MRM3: variants seen among roughly 807,000 people sequenced by gnomAD.
MRM3 encodes rRNA methyltransferase 3, mitochondrial.
Under a neutral mutation model 29.4 loss-of-function variants are expected in MRM3, and 26 were observed. The ratio of observed to expected loss-of-function variants is 0.89; its 90% CI spans 0.65 to 1.23. MRM3 has a LOEUF of 1.23. MRM3 is among the 50% of genes most tolerant of loss of function. The pLI is 0.00. For synonymous variants in MRM3, 225 were observed against 219.0 expected (o/e 1.03, Z -0.24); for missense variants, 578 against 540.2 (o/e 1.07, Z -0.69).
Position 787,982 on chromosome 17 carries a change from G to T in MRM3, c.577G>T (p.Asp193Tyr). ...TTCCTCAGGGATTTTTGCCAAGCCT[G>T]ACCATGTTAAGATGACATATCCAAA... ...QGIMGIFAKP[D>Y]HVKMTYPKTQ... The change falls in exon 3 of 4, where the codon GAC becomes TAC. Residue 193 changes from aspartate to tyrosine, a missense_variant. Asp to Tyr is a radical substitution (Grantham distance 160). Coordinates refer to ENST00000304478, the MANE Select transcript of MRM3 (RefSeq NM_018146.4). The surrounding 1 kb of genome is among the most constrained non-coding windows in gnomAD (Gnocchi z 4.1). The T allele has an allele frequency of 6.2e-7, 1 of 1,613,780 alleles. No homozygotes were observed. Among genetic ancestry groups the T allele is most frequent in the South Asian group, 1.1e-5 (1 of 91,020 alleles).
chr17:791,895 C>T lies in MRM3; in HGVS notation c.1089C>T (p.Ser363=). The change falls in exon 4 of 4, where the codon AGC becomes AGT. Residue 363 remains serine (S), a synonymous_variant. Coordinates refer to ENST00000304478, the MANE Select transcript of MRM3 (RefSeq NM_018146.4). ...VVIGGETYGV[S]LESLQLAEST... ...TTGGCGGGGAGACCTACGGCGTGAG[C>T]CTGGAGTCCCTGCAGCTGGCCGAGA... 5 of 1,613,870 alleles carry T rather than the reference C, an allele frequency of 3.1e-6. No individual in the cohort carries two copies. Among genetic ancestry groups the T allele is most frequent in the Non-Finnish European group, 4.2e-6 (5 of 1,180,032 alleles).
At chr17:788,198 C>A in intron 3 of MRM3, 66 bp downstream of exon 3, 1 of 1,537,120 alleles carries the variant, frequency 6.5e-7, no homozygotes, top group East Asian at 2.3e-5. Context: ...GAGGCCGAGG[C>A]AGGAGGGTCA....
At position 782,444 on chromosome 17, in the gene MRM3, G is replaced by A; in HGVS notation, c.66G>A (p.Trp22Ter). The stretch of plus-strand genomic sequence containing the variant: ...CGTTGCTGCAGGTGGTCCAGGCTTG[G>A]GACCTTGACGCGAGGCGCTGGGTCC... ...VRPLLQVVQA[W>*]DLDARRWVRA... The change falls in exon 1 of 4, where the codon TGG (tryptophan) becomes TGA (stop). Residue 22 changes from tryptophan to a stop codon, truncating the protein, a stop_gained. Coordinates refer to ENST00000304478, the MANE Select transcript of MRM3 (RefSeq NM_018146.4). LOFTEE classifies it high-confidence loss of function. 1 of 1,613,946 alleles carries A rather than the reference G, an allele frequency of 6.2e-7. No individual in the cohort carries two copies. The highest frequency in any genetic ancestry group is 8.5e-7 in the Non-Finnish European group (1 of 1,179,954).
intron 2 of MRM3, among the ~76,000 whole-genome samples, chr17:785,617 C>T (rs750076152): frequency 1.3e-5 from 2 of 152,192 alleles, no homozygotes; most frequent in Non-Finnish European, 2.9e-5. Flanking sequence ...AGCGTGAGGC[C>T]TTGGAAGTGA....
Position 788,064 on chromosome 17 carries a change from C to G in MRM3, c.659C>G (p.Pro220Arg), listed in dbSNP as rs1269926275. Residue 220 changes from proline (P) to arginine (R), a missense_variant, in exon 3 of 4, where the codon CCT becomes CGT. Pro to Arg is a moderately radical substitution (Grantham distance 103, BLOSUM62 -2). Coordinates refer to ENST00000304478, the MANE Select transcript of MRM3 (RefSeq NM_018146.4). ...TTGATTTGTGACAATCTCCGTGACC[C>G]TGGGAACCTGGGGACAATTCTGAGA... ...LLLICDNLRD[P>R]GNLGTILRSA... The G allele has an allele frequency of 1.2e-6, 2 of 1,614,184 alleles. No homozygotes were observed. The highest frequency in any genetic ancestry group is 3.3e-5 in the Admixed American group (2 of 60,024).
chr17:790,529 T>G (rs1910744635), intron 3 of MRM3: 1 of 212,200 alleles, frequency 4.7e-6, no homozygotes. Flanking sequence ...GCTCACTGCC[T>G]GTGCCACCAC....
intron 3 of MRM3, chr17:790,560 T>A (rs982127421): frequency 1.3e-5 from 2 of 149,838 alleles, no homozygotes; most frequent in African/African-American, 3.1e-5. Flanking sequence ...GCTGATTGGC[T>A]GGCTCACCTC....
chr17:790,572 T>A, intron 3 of MRM3: 1 of 187,292 alleles, frequency 5.3e-6, no homozygotes, highest in South Asian at 6.0e-5. Flanking sequence ...GCTCACCTCC[T>A]GTGCCGCCAC....
chr17:784,288 G>A (rs1017863551), intron 2 of MRM3, among the ~76,000 whole-genome samples: 3 of 152,190 alleles, frequency 2.0e-5, no homozygotes, highest in African/African-American at 4.8e-5. Context: ...GAGTCACAGG[G>A]ATCTGTGCCT....
intron 1 of MRM3, 48 bp downstream of exon 1, chr17:782,740 C>T: frequency 6.5e-7 from 1 of 1,543,136 alleles, no homozygotes; most frequent in Non-Finnish European, 8.8e-7. Context: ...CCCTTCCCGT[C>T]GCACAGCGGA....
intron 1 of MRM3, 45 bp from the exon 2 acceptor site, chr17:783,038 G>T: frequency 6.4e-7 from 1 of 1,558,846 alleles, no homozygotes; most frequent in South Asian, 1.2e-5. Flanking sequence ...TCAGTAACAA[G>T]GATGTTGATA....
rs966334047 is a variant in MRM3 at position 787,669 on chromosome 17, C to G, written c.560-296C>G. On this transcript the variant is annotated intron_variant, in intron 2 of 3. Coordinates refer to ENST00000304478, the MANE Select transcript of MRM3 (RefSeq NM_018146.4). This position sits in a 1 kb window ranked among gnomAD's most constrained non-coding sequence, Gnocchi z 4.1. ...ATTCAAGCGATTCTCCTGCCTCAGC[C>G]TCCCAGGTAGCTGGGACTAGAGGCA... Among the ~76,000 whole-genome samples the G allele has an allele frequency of 1.3e-5, 2 of 152,200 alleles. No homozygotes were observed. Among genetic ancestry groups the G allele is most frequent in the East Asian group, 3.9e-4 (2 of 5,194 alleles).
chr17:786,777 C>A (rs559346163), intron 2 of MRM3, among the ~76,000 whole-genome samples: 1 of 152,132 alleles, frequency 6.6e-6, no homozygotes, highest in African/African-American at 2.4e-5. Context: ...TAATAGTGCA[C>A]GCACATCATT....
At chr17:782,813 A>G in intron 1 of MRM3, 121 bp downstream of exon 1, 2 of 1,081,048 alleles carry the variant, frequency 1.9e-6, no homozygotes, top group South Asian at 1.7e-5. Context: ...TGTATTATGC[A>G]CAGAGGGCCG....
Position 782,633 on chromosome 17 carries a change from C to T in MRM3, c.255C>T (p.Ser85=). The change falls in exon 1 of 4, where the codon AGC becomes AGT. Residue 85 remains serine, a synonymous_variant. Transcript: ENST00000304478. ...AGGAGTCCGCATCCCGCGCTCCCAG[C>T]ACCTGGGAAGAGTCTGGGCTTCGCT... The part of the protein sequence containing the change: ...PLEESASRAP[S]TWEESGLRYD... The T allele has an allele frequency of 1.2e-6, 2 of 1,613,774 alleles. No homozygotes were observed. Among genetic ancestry groups the T allele is most frequent in the Non-Finnish European group, 1.7e-6 (2 of 1,179,838 alleles).
Position 788,147 on chromosome 17 carries a change from G to T in MRM3, c.727+15G>T. ...ACTCACCAAAGGTAAGGACATCAAA[G>T]GCCAGGCATAGTGGCTCACACTCGT... On this transcript the variant is annotated intron_variant, in intron 3 of 3. Coordinates refer to ENST00000304478, the MANE Select transcript of MRM3 (RefSeq NM_018146.4). 1 of 1,613,520 alleles carries T rather than the reference G, an allele frequency of 6.2e-7. No homozygotes were observed. Among genetic ancestry groups the T allele is most frequent in the Non-Finnish European group, 8.5e-7 (1 of 1,179,686 alleles).
chr17:788,413 C>A lies in MRM3; in HGVS notation c.727+281C>A, dbSNP rs923817907. ...GCTCATCACTGCACTCCAGCCTGGGCGACAGAGTGAGACTCCCTCTCAAAA... is the reference window on the plus strand; with the variant it reads ...GCTCATCACTGCACTCCAGCCTGGGAGACAGAGTGAGACTCCCTCTCAAAA... On this transcript the variant is annotated intron_variant, in intron 3 of 3. Transcript: ENST00000304478. Among the ~76,000 whole-genome samples, 3 of 149,920 alleles carry A rather than the reference C, an allele frequency of 2.0e-5. No homozygotes were observed. The East Asian group carries it at 5.9e-4, about 29-fold the overall frequency.
At position 787,378 on chromosome 17, in the gene MRM3, T is replaced by C. The variant is rs536846675; in HGVS notation, c.560-587T>C. On this transcript the variant is annotated intron_variant, in intron 2 of 3. Transcript: ENST00000304478. This position sits in a 1 kb window ranked among gnomAD's most constrained non-coding sequence, Gnocchi z 4.1. ...GAATAATACAGAGTATGACACGGAA[T>C]GTAAAACACATTTACATATGGACAG... Among the ~76,000 whole-genome samples the C allele has an allele frequency of 6.6e-6, 1 of 152,204 alleles. No homozygotes were observed. Among genetic ancestry groups the C allele is most frequent in the Non-Finnish European group, 1.5e-5 (1 of 68,034 alleles).
chr17:782,777 T>C, intron 1 of MRM3, 85 bp downstream of exon 1: 2 of 1,375,860 alleles, frequency 1.5e-6, no homozygotes, highest in Non-Finnish European at 2.0e-6. Context: ...GATGGAGGAC[T>C]TCTTCCAGTA....
Sources: gnomAD v4.1 joint callset for allele counts (sites outside exome capture counted in the v4.1 genomes callset) on GRCh38, gnomAD v4.1.1 for gene constraint, Gnocchi (gnomAD v3.1) non-coding constraint, MANE v1.5 for transcripts, NCBI Gene and HGNC (gene_info 2026-07-23, HGNC 2026-07-21) for gene names.